KIF26B: variants seen among roughly 807,000 people sequenced by gnomAD.
KIF26B encodes kinesin-like protein KIF26B.
Under a neutral mutation model 151.2 loss-of-function variants are expected in KIF26B, and 63 were observed. That is an observed-to-expected ratio of 0.42 (90% CI 0.34 to 0.51). The LOEUF (loss-of-function observed/expected upper bound fraction) is 0.51. Among genes scored for constraint, KIF26B ranks in the 20% least tolerant of loss-of-function variants. The pLI, the probability that KIF26B is intolerant of heterozygous loss-of-function variation, is 0.07. For synonymous variants in KIF26B, 1,357 were observed against 1,262.1 expected (o/e 1.08, Z -1.59); for missense variants, 2,813 against 2,913.6 (o/e 0.97, Z 0.79).
chr1:245,354,362 C>A (rs1672636379), intron 2 of KIF26B, among the ~76,000 whole-genome samples: 1 of 152,174 alleles, frequency 6.6e-6, no homozygotes, highest in South Asian at 2.1e-4. Context: ...CTCTGAAACC[C>A]AGGCCAAGAG....
At chr1:245,610,058 G>A (rs1479413666) in intron 8 of KIF26B, among the ~76,000 whole-genome samples, 2 of 152,198 alleles carry the variant, frequency 1.3e-5, no homozygotes, top group African/African-American at 4.8e-5. Flanking sequence ...CCTGTTGGGA[G>A]GGTCTCTCCT....
At chr1:245,677,036 G>C (rs1437736367) in intron 10 of KIF26B, among the ~76,000 whole-genome samples, 1 of 152,158 alleles carries the variant, frequency 6.6e-6, no homozygotes, top group African/African-American at 2.4e-5. Flanking sequence ...GCACCTCAGG[G>C]TTCTACAGTG....
chr1:245,333,986 G>C (rs965330888), intron 2 of KIF26B, among the ~76,000 whole-genome samples: 1 of 151,662 alleles, frequency 6.6e-6, no homozygotes, highest in Non-Finnish European at 1.5e-5. Context: ...GCGACGGAGT[G>C]AGACTCCGTG....
At chr1:245,443,422 CTGTT>C in intron 4 of KIF26B, among the ~76,000 whole-genome samples, 1 of 95,876 alleles carries the variant, frequency 1.0e-5, no homozygotes, top group African/African-American at 4.8e-5. Context: ...ATCTCCCTCA[CTGTT>C]CACCCTGCGG....
Position 245,646,283 on chromosome 1 carries a change from A to G in KIF26B, c.2258+3A>G. On this transcript the variant is annotated splice_donor_region_variant and intron_variant, in intron 10 of 14. Transcript: ENST00000407071. ...GGCAGCAAACACATTCCATACAAGT[A>G]AGTGACTCTTCTACTCAAAGAATGT... The G allele has an allele frequency of 6.2e-7, 1 of 1,613,438 alleles. No homozygotes were observed. The highest frequency in any genetic ancestry group is 8.5e-7 in the Non-Finnish European group (1 of 1,179,718).
At chr1:245,182,011 C>T (rs181569919) in intron 2 of KIF26B, among the ~76,000 whole-genome samples, 5 of 152,192 alleles carry the variant, frequency 3.3e-5, no homozygotes, top group African/African-American at 9.6e-5. Flanking sequence ...CTGTTTTAAA[C>T]GTGTGCGGGC....
At chr1:245,465,656 G>T (rs1196714624) in intron 4 of KIF26B, among the ~76,000 whole-genome samples, 1 of 152,192 alleles carries the variant, frequency 6.6e-6, no homozygotes, top group Non-Finnish European at 1.5e-5. Flanking sequence ...GGCAGAAAGC[G>T]GATGGCGCGC....
chr1:245,421,561 A>AT (rs1042515884), intron 4 of KIF26B, among the ~76,000 whole-genome samples: 14 of 152,138 alleles, frequency 9.2e-5, no homozygotes, highest in African/African-American at 3.4e-4. Context: ...GGAACATTCA[A>AT]TGCTCAGATG....
rs548171591 is a variant in KIF26B at position 245,679,443 on chromosome 1, T to G, written c.2259-4790T>G. ...TCTAAAAATCTGGGGGTTTTTTGTG[T>G]TTTTTTTGTGTGTGTTTTTTTTTTT... On this transcript the variant is annotated intron_variant, in intron 10 of 14. Coordinates refer to ENST00000407071, the MANE Select transcript of KIF26B (RefSeq NM_018012.4). 3.3e-3 allele frequency among the ~76,000 whole-genome samples: 354 copies of G among 107,932 alleles called. 4 individuals are homozygous for G. The highest frequency in any genetic ancestry group is 9.8e-3 in the African/African-American group (340 of 34,686). The allele number at this position is 107,932 out of a possible 152,430, so 70.8% of individuals were successfully genotyped here. A position where few individuals can be genotyped will look rare whatever the true frequency, so the allele number is the denominator to read the frequency against.
chr1:245,286,734 A>G (rs1248241269), intron 2 of KIF26B, among the ~76,000 whole-genome samples: 1 of 152,226 alleles, frequency 6.6e-6, no homozygotes, highest in East Asian at 1.9e-4. Context: ...TTAATGAAAG[A>G]TTCCTCACTT....
At chr1:245,522,364 A>C (rs957704292) in intron 4 of KIF26B, among the ~76,000 whole-genome samples, 3 of 151,724 alleles carry the variant, frequency 2.0e-5, no homozygotes, top group Admixed American at 2.0e-4. Context: ...TTTGTTTTGC[A>C]TATGTATTGA....
chr1:245,310,811 C>T (rs942568669), intron 2 of KIF26B, among the ~76,000 whole-genome samples: 1 of 152,152 alleles, frequency 6.6e-6, no homozygotes, highest in South Asian at 2.1e-4. Flanking sequence ...TGGGAAGCCC[C>T]GCTGGGCCGG....
At chr1:245,187,724 G>T (rs4658442) in intron 2 of KIF26B, among the ~76,000 whole-genome samples, 1 of 152,106 alleles carries the variant, frequency 6.6e-6, no homozygotes, top group Non-Finnish European at 1.5e-5. Flanking sequence ...ATGTTGGAGA[G>T]GGGGAGGTTG....
At chr1:245,510,142 A>G (rs565381209) in intron 4 of KIF26B, among the ~76,000 whole-genome samples, 3 of 152,338 alleles carry the variant, frequency 2.0e-5, no homozygotes, top group African/African-American at 7.2e-5. Flanking sequence ...AAAAAGAAAC[A>G]GGAACCCAGA....
At chr1:245,273,138 G>A (rs1242271046) in intron 2 of KIF26B, among the ~76,000 whole-genome samples, 2 of 152,010 alleles carry the variant, frequency 1.3e-5, no homozygotes, top group Non-Finnish European at 2.9e-5. Context: ...ATTGAGCCAG[G>A]CACAGTGGCT....
At chr1:245,243,439 T>TACACAC (rs1196510210) in intron 2 of KIF26B, among the ~76,000 whole-genome samples, 4 of 133,400 alleles carry the variant, frequency 3.0e-5, no homozygotes, top group Non-Finnish European at 5.0e-5. Flanking sequence ...TACATACATA[T>TACACAC]ATATATATAC....
chr1:245,250,018 T>G (rs1443017972), intron 2 of KIF26B, among the ~76,000 whole-genome samples: 1 of 152,212 alleles, frequency 6.6e-6, no homozygotes, highest in Non-Finnish European at 1.5e-5. Context: ...TGAAACATAT[T>G]AAAAAATTTA....
intron 4 of KIF26B, among the ~76,000 whole-genome samples, chr1:245,484,767 A>ATTAT (rs1476972186): frequency 3.0e-5 from 4 of 134,268 alleles, no homozygotes; most frequent in Middle Eastern, 3.9e-3. Flanking sequence ...CTTCTTCTTC[A>ATTAT]TATTATTATT....
At chr1:245,350,060 T>C (rs1441247372) in intron 2 of KIF26B, among the ~76,000 whole-genome samples, 1 of 152,050 alleles carries the variant, frequency 6.6e-6, no homozygotes, top group Non-Finnish European at 1.5e-5. Flanking sequence ...TATTTTTTTT[T>C]CATAAATACT....
Sources: gnomAD v4.1 joint callset for allele counts (sites outside exome capture counted in the v4.1 genomes callset) on GRCh38, gnomAD v4.1.1 for gene constraint, MANE v1.5 for transcripts, NCBI Gene and HGNC (gene_info 2026-07-23, HGNC 2026-07-21) for gene names.